PANK4: variants seen among roughly 807,000 people sequenced by gnomAD.
PANK4 encodes pantothenate kinase 4 (inactive), also known as 4'-phosphopantetheine phosphatase.
In PANK4, 40 loss-of-function variants were observed where a neutral mutation model predicts 87.9. The observed-to-expected ratio is 0.46, with a 90% CI of 0.35 to 0.59. The LOEUF is 0.59. Ranked by LOEUF, PANK4 falls within the 20% of genes least tolerant of loss-of-function variation. PANK4 has a pLI of 0.00. For synonymous variants in PANK4, 524 were observed against 467.4 expected (o/e 1.12, Z -1.56); for missense variants, 926 against 1,072.3 (o/e 0.86, Z 1.90).
rs60181825 is a variant in PANK4 at position 2,510,396 on chromosome 1, T to TCCGATCGGC, written c.1939-240_1939-239insGCCGATCGG. On this transcript the variant is annotated intron_variant, in intron 16 of 18. Coordinates refer to ENST00000378466, the MANE Select transcript of PANK4 (RefSeq NM_018216.4). The surrounding 1 kb of genome is among the most constrained non-coding windows in gnomAD (Gnocchi z 4.9). Reference sequence around the variant, plus strand: ...AGCCTGCCCCTGGGACCTGCCTGTCTGTGAAGTCACAGCCCCAAAGCCTCC... The same window carrying TCCGATCGGC: ...AGCCTGCCCCTGGGACCTGCCTGTCTCCGATCGGCGTGAAGTCACAGCCCCAAAGCCTCC... 181,328 of 597,820 alleles carry TCCGATCGGC rather than the reference T, an allele frequency of 0.3. 33,166 individuals carry two copies. The highest frequency in any genetic ancestry group is 0.66 in the African/African-American group (35,145 of 53,558). The allele number at this position is 597,820 out of a possible 1,614,324, so 37.0% of individuals were successfully genotyped here.
At position 2,518,156 on chromosome 1, in the gene PANK4, C is replaced by CTA; in HGVS notation, c.1218+6_1218+7dup. 1.3e-6 allele frequency: 2 copies of CTA among 1,586,598 alleles called. No individual in the cohort carries two copies. ...TGGGGCCCGGGGCGGCCAGAGCCCACTACTCACAGTGCCACTCCGCGCCCG... is the reference window on the plus strand; with the variant it reads ...TGGGGCCCGGGGCGGCCAGAGCCCACTATACTCACAGTGCCACTCCGCGCCCG... On this transcript the variant is annotated splice_region_variant and intron_variant, in intron 9 of 18. Transcript: ENST00000378466.
At chr1:2,524,968 A>G (rs1198525264) in intron 1 of PANK4, among the ~76,000 whole-genome samples, 1 of 152,160 alleles carries the variant, frequency 6.6e-6, no homozygotes, top group African/African-American at 2.4e-5. Context: ...CCCAAGTCCT[A>G]TCAGCGGTCC....
rs763276958 is a variant in PANK4, at chr1:2,520,858, G to A, written c.471C>T (p.Phe157=). The change falls in exon 4 of 19, where the codon TTC becomes TTT. Residue 157 remains phenylalanine (F), a synonymous_variant. Coordinates refer to ENST00000378466, the MANE Select transcript of PANK4 (RefSeq NM_018216.4). The surrounding 1 kb of genome is among the most constrained non-coding windows in gnomAD (Gnocchi z 6.2). ...CCTCATGGGGGATGTTCTTGAGCAC[G>A]AAGTTGCACCCCTTAATCAGGCACG... ...VMTCLIKGCN[F]VLKNIPHEAF... 1.5e-5 allele frequency: 24 copies of A among 1,580,510 alleles called. No individual in the cohort carries two copies. The South Asian group carries it at 1.9e-4, about 12-fold the overall frequency.
chr1:2,524,912 G>C (rs573912549), intron 1 of PANK4, among the ~76,000 whole-genome samples: 6 of 152,260 alleles, frequency 3.9e-5, no homozygotes, highest in Non-Finnish European at 7.4e-5. Context: ...CAATCCCCTA[G>C]GCTAGGGCTG....
intron 13 of PANK4, 129 bp downstream of exon 13, chr1:2,512,759 C>T (rs995420487): frequency 1.5e-5 from 14 of 904,668 alleles, no homozygotes; most frequent in Non-Finnish European, 2.5e-5. Context: ...GGCCCCAAAG[C>T]CCTGAGCCAC....
In PANK4 at chr1:2,520,102, C is replaced by A; in HGVS notation, c.700-148G>T. 1 of 839,744 alleles carries A rather than the reference C, an allele frequency of 1.2e-6. No homozygotes were observed. Among genetic ancestry groups the A allele is most frequent in the Non-Finnish European group, 1.8e-6 (1 of 549,712 alleles). The allele number at this position is 839,744 out of a possible 1,614,324, so 52.0% of individuals were successfully genotyped here. On this transcript the variant is annotated intron_variant, in intron 5 of 18. Transcript: ENST00000378466. The surrounding 1 kb of genome is among the most constrained non-coding windows in gnomAD (Gnocchi z 6.2). Reference sequence around the variant, plus strand: ...GGGACCAAAGGCAGGAGGCGGCAAGCGGGACCCTCGGGCCACCCAGCCAGG... The same window carrying A: ...GGGACCAAAGGCAGGAGGCGGCAAGAGGGACCCTCGGGCCACCCAGCCAGG...
chr1:2,525,178 C>T (rs988053484), intron 1 of PANK4, among the ~76,000 whole-genome samples: 1 of 152,132 alleles, frequency 6.6e-6, no homozygotes, highest in Non-Finnish European at 1.5e-5. Context: ...CCCGAGGACA[C>T]CACAGCAGCA....
chr1:2,511,377 C>A lies in PANK4; in HGVS notation c.1794G>T (p.Trp598Cys). ...GCCACTCGCTGTAGGAATCCACGAG[C>A]CAGGGTCTTTCTGAGACAGAGAGAG... ...EAKRKLQERPWLVDSYSEWLQ... is the reference protein window; with the variant it reads ...EAKRKLQERPCLVDSYSEWLQ... The change falls in exon 15 of 19, where the codon TGG becomes TGT. Residue 598 changes from tryptophan (W) to cysteine (C), a missense_variant. Transcript: ENST00000378466. 1 of 1,610,714 alleles carries A rather than the reference C, an allele frequency of 6.2e-7. No individual in the cohort carries two copies. Among genetic ancestry groups the A allele is most frequent in the Non-Finnish European group, 8.5e-7 (1 of 1,177,842 alleles).
intron 1 of PANK4, among the ~76,000 whole-genome samples, chr1:2,525,231 G>A (rs904917418): frequency 1.3e-5 from 2 of 152,122 alleles, no homozygotes; most frequent in Non-Finnish European, 2.9e-5. Flanking sequence ...AGAGGGAATG[G>A]CCTGGGTCTC....
Position 2,514,367 on chromosome 1 carries a change from T to C in PANK4, c.1474A>G (p.Arg492Gly), listed in dbSNP as rs1643719880. ...CTGGGCACTTACAAGGGCTGCTGCCTCAGGGTCTGAAGCTTGTTCCAGTAC... is the reference window on the plus strand; with the variant it reads ...CTGGGCACTTACAAGGGCTGCTGCCCCAGGGTCTGAAGCTTGTTCCAGTAC... ...QKYWNKLQTLRQQPFAYGTLT... is the reference protein window; with the variant it reads ...QKYWNKLQTLGQQPFAYGTLT... Residue 492 changes from arginine (R) to glycine (G), a missense_variant, in exon 11 of 19, where the codon AGG becomes GGG. Arg to Gly is a moderately radical substitution (Grantham distance 125, BLOSUM62 -2). Coordinates refer to ENST00000378466, the MANE Select transcript of PANK4 (RefSeq NM_018216.4). 1 of 1,611,708 alleles carries C rather than the reference T, an allele frequency of 6.2e-7. No individual in the cohort carries two copies. Among genetic ancestry groups the C allele is most frequent in the African/African-American group, 1.3e-5 (1 of 74,852 alleles).
chr1:2,510,819 G>A lies in PANK4; in HGVS notation c.1834-37C>T. ...AACCAGGACGTTCAGTTGGGAACAGGCGCATCCAAGCGAGTCAGTCCGCAC... is the reference window on the plus strand; with the variant it reads ...AACCAGGACGTTCAGTTGGGAACAGACGCATCCAAGCGAGTCAGTCCGCAC... On this transcript the variant is annotated intron_variant, in intron 15 of 18. Transcript: ENST00000378466. This position sits in a 1 kb window ranked among gnomAD's most constrained non-coding sequence, Gnocchi z 4.9. 2 of 1,209,046 alleles carry A rather than the reference G, an allele frequency of 1.7e-6. No homozygotes were observed. Among genetic ancestry groups the A allele is most frequent in the Non-Finnish European group, 2.5e-6 (2 of 811,560 alleles). The allele number at this position is 1,209,046 out of a possible 1,614,324, so 74.9% of individuals were successfully genotyped here.
At position 2,520,644 on chromosome 1, in the gene PANK4, C is replaced by T; in HGVS notation, c.606+79G>A. 7.1e-7 allele frequency: 1 copy of T among 1,407,378 alleles called. No individual in the cohort carries two copies. Among genetic ancestry groups the T allele is most frequent in the Non-Finnish European group, 9.9e-7 (1 of 1,011,680 alleles). 87.2% of individuals were successfully genotyped at this position (1,407,378 alleles called of 1,614,324 possible). A position where few individuals can be genotyped will look rare whatever the true frequency, so the allele number is the denominator to read the frequency against. On this transcript the variant is annotated intron_variant, in intron 4 of 18. Transcript: ENST00000378466. This position sits in a 1 kb window ranked among gnomAD's most constrained non-coding sequence, Gnocchi z 6.2. ...ACTGGGCCCCATCCATGTGCCCAGC[C>T]CTGGCTCCTGCACACAGCGAGGGCT...
In PANK4 at chr1:2,520,222, G is replaced by A; in HGVS notation, c.699+100C>T. On this transcript the variant is annotated intron_variant, in intron 5 of 18. Coordinates refer to ENST00000378466, the MANE Select transcript of PANK4 (RefSeq NM_018216.4). This position sits in a 1 kb window ranked among gnomAD's most constrained non-coding sequence, Gnocchi z 6.2. ...CCCACTGACGCGAGTCAGGAGGGAG[G>A]CCCGGAAGCAGCTTTTGCACCGCCC... is the stretch of plus-strand genomic sequence containing the variant. The A allele has an allele frequency of 1.8e-6, 2 of 1,117,818 alleles. No homozygotes were observed. The highest frequency in any genetic ancestry group is 1.3e-5 in the South Asian group (1 of 76,686). The allele number at this position is 1,117,818 out of a possible 1,614,324, so 69.2% of individuals were successfully genotyped here. A position where few individuals can be genotyped will look rare whatever the true frequency, so the allele number is the denominator to read the frequency against.
chr1:2,511,999 G>A (rs752262367), intron 13 of PANK4, among the ~76,000 whole-genome samples: 1 of 152,236 alleles, frequency 6.6e-6, no homozygotes, highest in Non-Finnish European at 1.5e-5. Flanking sequence ...GCGATCCGCA[G>A]AAGGCTCAGG....
At position 2,522,431 on chromosome 1, in the gene PANK4, G is replaced by A. The variant is rs115815384; in HGVS notation, c.125-631C>T. Among the ~76,000 whole-genome samples, 672 of 152,300 alleles carry A rather than the reference G, an allele frequency of 4.4e-3. 3 individuals are homozygous for A. Among genetic ancestry groups the A allele is most frequent in the Non-Finnish European group, 6.8e-3 (461 of 68,036 alleles). On this transcript the variant is annotated intron_variant, in intron 1 of 18. Transcript: ENST00000378466. The stretch of plus-strand genomic sequence containing the variant: ...AGGCCAAAGTCTCTCTGATGCTCTC[G>A]AGAAGCCCTGTGGCTTCCAGGATGC...
intron 8 of PANK4, 29 bp from the exon 9 acceptor site, chr1:2,518,293 G>A: frequency 2.0e-6 from 3 of 1,489,844 alleles, no homozygotes; most frequent in Middle Eastern, 1.7e-4. Context: ...GGTCACTTGT[G>A]TTAACCTTGC....
Position 2,523,787 on chromosome 1 carries a change from C to T in PANK4, c.125-1987G>A, listed in dbSNP as rs565302263. 5.9e-5 allele frequency among the ~76,000 whole-genome samples: 9 copies of T among 152,360 alleles called. No homozygotes were observed. The East Asian group carries it at 1.4e-3, about 23-fold the overall frequency. ...AACCGCCTGCGGGCGGGGACCCTTC[C>T]GGGCTGAGCTCAGGGACCCCTCGGA... On this transcript the variant is annotated intron_variant, in intron 1 of 18. Transcript: ENST00000378466.
intron 9 of PANK4, among the ~76,000 whole-genome samples, chr1:2,517,557 C>T (rs1175122750): frequency 6.6e-6 from 1 of 152,220 alleles, no homozygotes; most frequent in African/African-American, 2.4e-5. Context: ...TGGGGCTGTG[C>T]TGGGGGCATC....
In PANK4 at chr1:2,509,015, C is replaced by T. The variant is rs768198879; in HGVS notation, c.2154G>A (p.Ala718=). Reference sequence around the variant, plus strand: ...CCATGCCCTCGATGACCACCAGATCCGCGCCACGCTCCCGCACCAGTGCGG... The same window carrying T: ...CCATGCCCTCGATGACCACCAGATCTGCGCCACGCTCCCGCACCAGTGCGG... ...GLAALVRERG[A]DLVVIEGMGR... Residue 718 remains alanine, a synonymous_variant, in exon 19 of 19, where the codon GCG becomes GCA. Transcript: ENST00000378466. This position sits in a 1 kb window ranked among gnomAD's most constrained non-coding sequence, Gnocchi z 4.9. 54 of 1,604,784 alleles carry T rather than the reference C, an allele frequency of 3.4e-5. No homozygotes were observed. In the Middle Eastern group the frequency reaches 5.3e-4, roughly 16 times the overall value.
Sources: allele counts gnomAD v4.1 joint callset (sites outside exome capture counted in the v4.1 genomes callset), GRCh38; gene constraint gnomAD v4.1.1; non-coding constraint Gnocchi (gnomAD v3.1); transcripts MANE v1.5; gene names NCBI Gene and HGNC (gene_info 2026-07-23, HGNC 2026-07-21).